DNAH7: variants seen among roughly 807,000 people sequenced by gnomAD.
DNAH7 encodes axonemal beta dynein heavy chain 7.
In DNAH7, 397 loss-of-function variants were observed where a neutral mutation model predicts 444.6. The ratio of observed to expected loss-of-function variants is 0.89; its 90% CI spans 0.82 to 0.97. DNAH7 has a LOEUF of 0.97. DNAH7 is among the 50% of genes least tolerant of loss of function. DNAH7 has a pLI of 0.00. For missense variants in DNAH7, 4,902 were observed against 4,800.8 expected (o/e 1.02, Z -0.62); for synonymous variants, 1,636 against 1,624.4 (o/e 1.01, Z -0.17).
intron 19 of DNAH7, among the ~76,000 whole-genome samples, chr2:195,952,700 C>G (rs920749396): frequency 6.6e-6 from 1 of 151,782 alleles, no homozygotes; most frequent in Non-Finnish European, 1.5e-5. Flanking sequence ...TCTCTGATAC[C>G]CTTTCTTCTA....
At chr2:195,786,391 T>C (rs1695622934) in intron 58 of DNAH7, among the ~76,000 whole-genome samples, 1 of 152,142 alleles carries the variant, frequency 6.6e-6, no homozygotes, top group South Asian at 2.1e-4. Context: ...TCTTCAAAGG[T>C]ACAGGCATGT....
At chr2:195,740,648 TATACAC>T (rs1477177089) in intron 64 of DNAH7, 112 bp downstream of exon 64, 127 of 60,542 alleles carry the variant, frequency 2.1e-3, no homozygotes, top group Non-Finnish European at 3.0e-3. Context: ...TATATATACA[TATACAC>T]ACACACATAT....
intron 19 of DNAH7, among the ~76,000 whole-genome samples, chr2:195,949,915 T>A (rs1690103408): frequency 6.6e-6 from 1 of 152,182 alleles, no homozygotes; most frequent in Non-Finnish European, 1.5e-5. Context: ...TACTGATTTG[T>A]ATATGTTGAA....
chr2:195,813,565 G>C (rs1697076117), intron 51 of DNAH7, among the ~76,000 whole-genome samples: 1 of 152,144 alleles, frequency 6.6e-6, no homozygotes, highest in South Asian at 2.1e-4. Flanking sequence ...GAAAAGTTTG[G>C]TTTTCCTCTG....
chr2:195,971,982 AT>A (rs143141012), intron 16 of DNAH7, among the ~76,000 whole-genome samples: 227 of 152,200 alleles, frequency 1.5e-3, no homozygotes, highest in African/African-American at 5.2e-3. Flanking sequence ...GATATATTCC[AT>A]TTTTTTCACA....
intron 15 of DNAH7, among the ~76,000 whole-genome samples, chr2:195,981,475 T>C (rs1002214870): frequency 6.6e-6 from 1 of 151,996 alleles, no homozygotes; most frequent in African/African-American, 2.4e-5. Context: ...TTAAAATTTA[T>C]ACGAAACCGC....
At chr2:196,067,759 A>T (rs1698508086) in intron 1 of DNAH7, among the ~76,000 whole-genome samples, 1 of 152,240 alleles carries the variant, frequency 6.6e-6, no homozygotes, top group Admixed American at 6.5e-5. Context: ...TTATAAAGCA[A>T]TAAAAAAGAA....
intron 25 of DNAH7, 95 bp from the exon 26 acceptor site, chr2:195,907,104 A>C: frequency 1.1e-6 from 1 of 931,340 alleles, no homozygotes; most frequent in East Asian, 2.7e-5. Flanking sequence ...AGGATTTAAT[A>C]TCCTGTCAAA....
chr2:195,944,638 C>T (rs1689679999), intron 19 of DNAH7, among the ~76,000 whole-genome samples: 2 of 152,104 alleles, frequency 1.3e-5, no homozygotes. Flanking sequence ...AACTATCTTT[C>T]ACATAACAGA....
intron 16 of DNAH7, among the ~76,000 whole-genome samples, chr2:195,970,792 A>G (rs1691789347): frequency 1.3e-5 from 2 of 152,236 alleles, no homozygotes; most frequent in African/African-American, 2.4e-5. Context: ...AGGTTATTCA[A>G]AAATAGATTT....
intron 12 of DNAH7, among the ~76,000 whole-genome samples, chr2:195,989,976 G>A (rs1375039453): frequency 6.6e-6 from 1 of 152,156 alleles, no homozygotes; most frequent in South Asian, 2.1e-4. Flanking sequence ...TCTTTATAGC[G>A]ATACAAGAAT....
intron 9 of DNAH7, among the ~76,000 whole-genome samples, chr2:196,014,877 AC>A (rs937989978): frequency 4.6e-5 from 7 of 151,898 alleles, no homozygotes; most frequent in African/African-American, 1.7e-4. Flanking sequence ...TCTCCTGGAG[AC>A]CTTTTCATAT....
At chr2:195,974,123 GAA>G (rs1218013991) in intron 15 of DNAH7, among the ~76,000 whole-genome samples, 3 of 151,972 alleles carry the variant, frequency 2.0e-5, no homozygotes, top group Non-Finnish European at 4.4e-5. Flanking sequence ...GAGAAGGAAG[GAA>G]ATAATGAAGA....
At chr2:195,875,965 T>A in intron 37 of DNAH7, 122 bp from the exon 38 acceptor site, 1 of 872,808 alleles carries the variant, frequency 1.1e-6, no homozygotes, top group Non-Finnish European at 1.6e-6. Context: ...GAGGAAGTGA[T>A]GGTTTCTTTT....
intron 10 of DNAH7, among the ~76,000 whole-genome samples, chr2:196,003,150 T>C (rs994727304): frequency 3.1e-4 from 45 of 145,302 alleles, no homozygotes; most frequent in Middle Eastern, 3.5e-3. Context: ...ATAGTGAAGA[T>C]GGCAATTTCA....
intron 4 of DNAH7, 71 bp downstream of exon 4, chr2:196,048,225 T>C (rs1467762443): frequency 7.3e-7 from 1 of 1,373,290 alleles, no homozygotes; most frequent in Non-Finnish European, 1.0e-6. Flanking sequence ...TATTACACTA[T>C]TAACTAAATA....
At chr2:195,943,968 TTC>T (rs764870598) in intron 19 of DNAH7, among the ~76,000 whole-genome samples, 16 of 152,146 alleles carry the variant, frequency 1.1e-4, no homozygotes, top group Non-Finnish European at 2.1e-4. Flanking sequence ...TTTAGGTATA[TTC>T]TCTGATTCCT....
At chr2:195,752,871 G>T (rs988720961) in intron 63 of DNAH7, among the ~76,000 whole-genome samples, 7 of 152,212 alleles carry the variant, frequency 4.6e-5, no homozygotes, top group Non-Finnish European at 8.8e-5. Flanking sequence ...GATTAGAGGG[G>T]ATGAAAGGTA....
intron 61 of DNAH7, among the ~76,000 whole-genome samples, chr2:195,762,010 AAAT>A (rs1415626298): frequency 6.6e-6 from 1 of 152,188 alleles, no homozygotes; most frequent in Non-Finnish European, 1.5e-5. Flanking sequence ...AACAAATAAA[AAAT>A]AATAACTACA....
Sources: gnomAD v4.1 joint callset for allele counts (sites outside exome capture counted in the v4.1 genomes callset) on GRCh38, gnomAD v4.1.1 for gene constraint, MANE v1.5 for transcripts, NCBI Gene and HGNC (gene_info 2026-07-23, HGNC 2026-07-21) for gene names.